The following ACKR3 variants were observed in gnomAD, a reference collection of about 807,000 sequenced individuals.
The protein encoded by ACKR3 is C-X-C chemokine receptor type 7.
A neutral mutation model predicts 22.4 loss-of-function variants in ACKR3; 6 were observed. That is an observed-to-expected ratio of 0.27 (90% confidence interval 0.15 to 0.53). ACKR3 has a LOEUF of 0.53. ACKR3 is among the 20% of genes least tolerant of loss of function. The probability of loss-of-function intolerance (pLI) is 0.96; values close to 1 mark genes in which losing one functional copy is unlikely to be tolerated. For missense variants in ACKR3, 396 were observed against 475.2 expected (o/e 0.83, Z 1.55); for synonymous variants, 209 against 205.2 (o/e 1.02, Z -0.16).
At chr2:236,557,253 C>CGTGTGTGTGTGT in the ACKR3 span, among the ~76,000 whole-genome samples, 4 of 139,994 alleles carry the variant, frequency 2.9e-5, no homozygotes, top group African/African-American at 1.2e-4. Flanking sequence ...TTCATGTGAA[C>CGTGTGTGTGTGT]GTATGTGTGT....
At chr2:236,566,111 G>A (rs958121556), upstream of ACKR3, among the ~76,000 whole-genome samples, 2 of 152,186 alleles carry the variant, frequency 1.3e-5, no homozygotes, top group Admixed American at 6.5e-5. Flanking sequence ...GGATCCTCAC[G>A]CTTTTAAGTC....
chr2:236,542,212 C>T, the ACKR3 span, among the ~76,000 whole-genome samples: 2 of 152,196 alleles, frequency 1.3e-5, no homozygotes, highest in African/African-American at 4.8e-5. Context: ...CTTCCCAAGC[C>T]CATGTTCAGT....
chr2:236,563,891 C>T (rs1574968624), upstream of ACKR3, among the ~76,000 whole-genome samples: 1 of 152,168 alleles, frequency 6.6e-6, no homozygotes, highest in Non-Finnish European at 1.5e-5. Flanking sequence ...AGGGGCTGCA[C>T]CCTCCCTCCT....
At chr2:236,548,087 C>A in the ACKR3 span, among the ~76,000 whole-genome samples, 1 of 152,086 alleles carries the variant, frequency 6.6e-6, no homozygotes, top group Non-Finnish European at 1.5e-5. The surrounding 1 kb of genome is among the most constrained non-coding windows in gnomAD (Gnocchi z 4.3). Flanking sequence ...TTTCCCATGT[C>A]TATGTTTTTT....
At position 236,581,357 on chromosome 2, in the gene ACKR3, C is replaced by T. The variant is rs150632398; in HGVS notation, c.892C>T (p.His298Tyr). The T allele has an allele frequency of 2.2e-3, 3,544 of 1,614,074 alleles. 8 individuals are homozygous for T. The highest frequency in any genetic ancestry group is 6.3e-3 in the Middle Eastern group (38 of 6,062). The change falls in exon 2 of 2, where the codon CAT becomes TAT. Residue 298 changes from histidine to tyrosine, a missense_variant. Coordinates refer to ENST00000272928, the MANE Select transcript of ACKR3 (RefSeq NM_020311.3). The surrounding 1 kb of genome is among the most constrained non-coding windows in gnomAD (Gnocchi z 4.4). ...GGAGCACGCCCTCTTCACGGCCCTGCATGTCACACAGTGCCTGTCGCTGGT... is the reference window on the plus strand; with the variant it reads ...GGAGCACGCCCTCTTCACGGCCCTGTATGTCACACAGTGCCTGTCGCTGGT... ...RLEHALFTALHVTQCLSLVHC... is the reference protein window; with the variant it reads ...RLEHALFTALYVTQCLSLVHC...
At chr2:236,542,357 C>T in the ACKR3 span, among the ~76,000 whole-genome samples, 5 of 152,184 alleles carry the variant, frequency 3.3e-5, no homozygotes, top group South Asian at 4.1e-4. Flanking sequence ...CTGGACATGA[C>T]CTTTCTGCTG....
upstream of ACKR3, among the ~76,000 whole-genome samples, chr2:236,568,742 C>G (rs28688014): frequency 0.012 from 1,846 of 152,378 alleles, 41 homozygotes; most frequent in African/African-American, 0.042. Context: ...CCCAGTCCCC[C>G]AGATTCAGCG....
chr2:236,556,330 G>T, the ACKR3 span, among the ~76,000 whole-genome samples: 1 of 152,162 alleles, frequency 6.6e-6, no homozygotes, highest in South Asian at 2.1e-4. Context: ...AGCCCCCAGA[G>T]AGGTCCACAT....
chr2:236,571,158 C>T (rs1691299464), intron 1 of ACKR3, among the ~76,000 whole-genome samples: 1 of 152,214 alleles, frequency 6.6e-6, no homozygotes, highest in African/African-American at 2.4e-5. Context: ...GGATAAACTG[C>T]TTGCCCTTCT....
At chr2:236,537,568 G>T in the ACKR3 span, among the ~76,000 whole-genome samples, 1 of 152,216 alleles carries the variant, frequency 6.6e-6, no homozygotes. Flanking sequence ...TGGCATAAAT[G>T]CAAGTGGTAC....
At chr2:236,570,366 T>C (rs1342857561) in intron 1 of ACKR3, among the ~76,000 whole-genome samples, 1 of 152,230 alleles carries the variant, frequency 6.6e-6, no homozygotes, top group East Asian at 1.9e-4. Context: ...AAATTGGCAG[T>C]AAATACGTAA....
the ACKR3 span, among the ~76,000 whole-genome samples, chr2:236,562,318 T>C: frequency 6.6e-6 from 1 of 152,248 alleles, no homozygotes; most frequent in Non-Finnish European, 1.5e-5. Flanking sequence ...AGTCACAGTA[T>C]ATCGTACATA....
chr2:236,568,657 T>C (rs543270482), upstream of ACKR3, among the ~76,000 whole-genome samples: 1 of 152,390 alleles, frequency 6.6e-6, no homozygotes, highest in African/African-American at 2.4e-5. Context: ...GTGAAGCTTT[T>C]AGCTAAACAA....
chr2:236,550,136 C>G, the ACKR3 span, among the ~76,000 whole-genome samples: 20 of 152,222 alleles, frequency 1.3e-4, no homozygotes, highest in Admixed American at 1.3e-3. The surrounding 1 kb of genome is among the most constrained non-coding windows in gnomAD (Gnocchi z 4.6). Flanking sequence ...GGTGCATAGT[C>G]TGTTTCCATC....
chr2:236,568,713 C>G (rs949699199), upstream of ACKR3, among the ~76,000 whole-genome samples: 1 of 152,252 alleles, frequency 6.6e-6, no homozygotes, highest in African/African-American at 2.4e-5. Flanking sequence ...GACTTTCTAG[C>G]CACGTGAGAC....
At chr2:236,559,342 C>A in the ACKR3 span, among the ~76,000 whole-genome samples, 39 of 152,294 alleles carry the variant, frequency 2.6e-4, no homozygotes, top group African/African-American at 9.4e-4. Context: ...CCAATAAGGT[C>A]TAACAATTGT....
chr2:236,581,679 C>A lies in ACKR3; in HGVS notation c.*125C>A. ...TGCTTGAGTAGAGTGAAGAGGGGAG[C>A]ACGTGCCCCCTGCATCCATTCTCTC... On this transcript the variant is annotated 3_prime_UTR_variant, in exon 2 of 2. Transcript: ENST00000272928. The surrounding 1 kb of genome is among the most constrained non-coding windows in gnomAD (Gnocchi z 4.4). The A allele has an allele frequency of 1.7e-6, 2 of 1,201,974 alleles. No individual in the cohort carries two copies. The highest frequency in any genetic ancestry group is 1.2e-6 in the Non-Finnish European group (1 of 866,256). 74.5% of individuals were successfully genotyped at this position (1,201,974 alleles called of 1,614,324 possible). A position where few individuals can be genotyped will look rare whatever the true frequency, so the allele number is the denominator to read the frequency against.
chr2:236,580,377 G>T, intron 1 of ACKR3, 63 bp from the exon 2 acceptor site: 1 of 1,526,584 alleles, frequency 6.6e-7, no homozygotes, highest in East Asian at 2.3e-5. Context: ...CCTGAAACTT[G>T]AGTTTTTCCT....
At chr2:236,547,947 A>G in the ACKR3 span, among the ~76,000 whole-genome samples, 1 of 152,058 alleles carries the variant, frequency 6.6e-6, no homozygotes, top group Non-Finnish European at 1.5e-5. Flanking sequence ...TCAATTTGGA[A>G]AACTCAGAGG....
Sources: allele counts gnomAD v4.1 joint callset (sites outside exome capture counted in the v4.1 genomes callset), GRCh38; gene constraint gnomAD v4.1.1; non-coding constraint Gnocchi (gnomAD v3.1); transcripts MANE v1.5; gene names NCBI Gene and HGNC (gene_info 2026-07-23, HGNC 2026-07-21).